Variants in PCOLCE2 observed in about 807,000 individuals in gnomAD.
PCOLCE2 encodes procollagen C-endopeptidase enhancer 2.
PCOLCE2 carries 42 observed loss-of-function variants against 47.0 expected under a neutral mutation model. The ratio of observed to expected loss-of-function variants is 0.89; its 90% confidence interval spans 0.70 to 1.16. PCOLCE2 has a LOEUF of 1.16. Among genes scored for constraint, PCOLCE2 ranks in the 50% most tolerant of loss-of-function variants. The probability of loss-of-function intolerance (pLI) is 0.00; values close to 1 mark genes in which losing one functional copy is unlikely to be tolerated. For synonymous variants in PCOLCE2, 169 were observed against 191.7 expected (o/e 0.88, Z 0.98); for missense variants, 500 against 526.1 (o/e 0.95, Z 0.49).
At chr3:142,837,291 T>C (rs1474087957) in intron 5 of PCOLCE2, among the ~76,000 whole-genome samples, 2 of 152,236 alleles carry the variant, frequency 1.3e-5, no homozygotes, top group African/African-American at 2.4e-5. Context: ...ATTTGTGCTG[T>C]TTTAAGTCGC....
chr3:142,858,724 T>C (rs1462025766), intron 2 of PCOLCE2, among the ~76,000 whole-genome samples: 1 of 113,864 alleles, frequency 8.8e-6, no homozygotes, highest in Non-Finnish European at 2.1e-5. Flanking sequence ...CAGGATTTTG[T>C]GTGTGTGTGT....
intron 2 of PCOLCE2, among the ~76,000 whole-genome samples, chr3:142,862,299 T>C (rs1269852435): frequency 6.6e-6 from 1 of 152,192 alleles, no homozygotes; most frequent in Non-Finnish European, 1.5e-5. Flanking sequence ...CTTTCTAGAA[T>C]TCTGTGGCAC....
intron 2 of PCOLCE2, among the ~76,000 whole-genome samples, chr3:142,849,149 C>T (rs1329441518): frequency 3.3e-5 from 3 of 89,898 alleles, no homozygotes; most frequent in East Asian, 2.2e-4. Flanking sequence ...CGAGACTCCA[C>T]CTCAAAAAAA....
At chr3:142,863,874 G>A (rs1933229995) in intron 2 of PCOLCE2, 1 of 152,154 alleles carries the variant, frequency 6.6e-6, no homozygotes, top group Non-Finnish European at 1.5e-5. Context: ...AAACTAGCAT[G>A]CTATTTAAGA....
Position 142,818,398 on chromosome 3 carries a change from A to G in PCOLCE2, c.1185T>C (p.Phe395=), listed in dbSNP as rs1936974613. 1 of 1,613,178 alleles carries G rather than the reference A, an allele frequency of 6.2e-7. No homozygotes were observed. The highest frequency in any genetic ancestry group is 1.7e-5 in the Admixed American group (1 of 59,980). ...GATTCTTGGTCTTGAACATCATGAT[A>G]AAGCTGTTTGGCATGATTTTGCCTC... ...DGRGKIMPNS[F]IMMFKTKNQK... is the part of the protein sequence containing the mutation. Residue 395 remains phenylalanine (F), a synonymous_variant, in exon 9 of 9, where the codon TTT becomes TTC. Transcript: ENST00000295992.
chr3:142,887,642 G>C (rs761494638), intron 2 of PCOLCE2, 27 bp downstream of exon 2: 13 of 1,182,950 alleles, frequency 1.1e-5, no homozygotes, highest in Non-Finnish European at 1.7e-5. Context: ...CCACTTCCAG[G>C]AGAATACCTT....
chr3:142,829,866 T>G lies in PCOLCE2; in HGVS notation c.711-20A>C, dbSNP rs760233510. On this transcript the variant is annotated intron_variant, in intron 5 of 8. Coordinates refer to ENST00000295992, the MANE Select transcript of PCOLCE2 (RefSeq NM_013363.4). ...ATTGGCCTAAAAAAAGAAAAATGTG[T>G]TTTTTTATAAATACTTAAAAGTGGT... 1 of 1,468,076 alleles carries G rather than the reference T, an allele frequency of 6.8e-7. No individual in the cohort carries two copies. Among genetic ancestry groups the G allele is most frequent in the Admixed American group, 2.0e-5 (1 of 49,588 alleles). The allele number at this position is 1,468,076 out of a possible 1,614,324, so 90.9% of individuals were successfully genotyped here.
intron 6 of PCOLCE2, among the ~76,000 whole-genome samples, chr3:142,828,909 G>A (rs1013244631): frequency 3.3e-5 from 5 of 152,226 alleles, no homozygotes; most frequent in Non-Finnish European, 5.9e-5. Context: ...GCAAGGAAAC[G>A]TTAGACCCAG....
chr3:142,853,101 TA>T (rs372555197), intron 2 of PCOLCE2, among the ~76,000 whole-genome samples: 1,786 of 129,788 alleles, frequency 0.014, 10 homozygotes, highest in African/African-American at 0.033. Context: ...AGACCCTGTT[TA>T]AAAAAAAAAA....
intron 4 of PCOLCE2, 52 bp from the exon 5 acceptor site, chr3:142,838,958 ACCTCAAATGGAATTCTT>A: frequency 2.1e-6 from 3 of 1,404,396 alleles, no homozygotes; most frequent in Non-Finnish European, 3.0e-6. Flanking sequence ...TTGTTGAATA[ACCTCAAATGGAATTCTT>A]CCTCTCCCCA....
chr3:142,858,518 G>GCA (rs1054662174), intron 2 of PCOLCE2, among the ~76,000 whole-genome samples: 1 of 152,176 alleles, frequency 6.6e-6, no homozygotes, highest in Admixed American at 6.5e-5. Flanking sequence ...ATATATGTGC[G>GCA]TGCGTGTGTG....
Position 142,823,592 on chromosome 3 carries a change from A to C in PCOLCE2, c.889T>G (p.Cys297Gly). The change falls in exon 7 of 9, where the codon TGT becomes GGT. Residue 297 changes from cysteine to glycine, a missense_variant. Coordinates refer to ENST00000295992, the MANE Select transcript of PCOLCE2 (RefSeq NM_013363.4). ...TTGLKPTVAL[C>G]QQKCRRTGTL... is the part of the protein sequence containing the mutation. The stretch of plus-strand genomic sequence containing the variant: ...CCCGTCCGTCTACACTTTTGTTGAC[A>C]CAAGGCCACGGTGGGTTTTAAACCT... The C allele has an allele frequency of 9.9e-6, 16 of 1,609,212 alleles. No individual in the cohort carries two copies. Among genetic ancestry groups the C allele is most frequent in the Non-Finnish European group, 1.4e-5 (16 of 1,175,748 alleles).
Position 142,830,356 on chromosome 3 carries a change from G to A in PCOLCE2, c.711-510C>T, listed in dbSNP as rs549298807. Among the ~76,000 whole-genome samples, 9 of 152,344 alleles carry A rather than the reference G, an allele frequency of 5.9e-5. No homozygotes were observed. The East Asian group carries it at 1.3e-3, about 23-fold the overall frequency. ...AGAGCATAAAATGGACAAATCTGGT[G>A]AACAAATTCCCACGCCCTGTAAAGA... On this transcript the variant is annotated intron_variant, in intron 5 of 8. Transcript: ENST00000295992.
intron 5 of PCOLCE2, among the ~76,000 whole-genome samples, chr3:142,830,258 C>T (rs1937130502): frequency 6.6e-6 from 1 of 152,136 alleles, no homozygotes; most frequent in South Asian, 2.1e-4. Flanking sequence ...CATGATTTGC[C>T]TGATTGGGAA....
At chr3:142,860,813 G>A (rs1933167843) in intron 2 of PCOLCE2, among the ~76,000 whole-genome samples, 1 of 152,074 alleles carries the variant, frequency 6.6e-6, no homozygotes, top group African/African-American at 2.4e-5. Flanking sequence ...TTCTCTTCTT[G>A]GAAACACCCA....
chr3:142,857,282 T>G (rs1007682273), intron 2 of PCOLCE2, among the ~76,000 whole-genome samples: 1 of 152,222 alleles, frequency 6.6e-6, no homozygotes, highest in African/African-American at 2.4e-5. Flanking sequence ...CCAAGCTGTT[T>G]CATGTGATCA....
At chr3:142,849,331 A>G (rs898662471) in intron 2 of PCOLCE2, among the ~76,000 whole-genome samples, 1 of 152,210 alleles carries the variant, frequency 6.6e-6, no homozygotes, top group African/African-American at 2.4e-5. Flanking sequence ...GACTAAATGA[A>G]CTGAGTAATT....
chr3:142,863,236 T>G (rs980905781), intron 2 of PCOLCE2, among the ~76,000 whole-genome samples: 3 of 152,058 alleles, frequency 2.0e-5, no homozygotes, highest in Admixed American at 6.5e-5. Context: ...CAAAAAACAT[T>G]GAAGATAGCT....
chr3:142,838,463 G>T (rs1937229002), intron 5 of PCOLCE2, among the ~76,000 whole-genome samples: 1 of 152,176 alleles, frequency 6.6e-6, no homozygotes, highest in Non-Finnish European at 1.5e-5. Context: ...CTCTGGCCAT[G>T]TGATGTGTGT....
Sources: gnomAD v4.1 joint callset for allele counts (sites outside exome capture counted in the v4.1 genomes callset) on GRCh38, gnomAD v4.1.1 for gene constraint, MANE v1.5 for transcripts, NCBI Gene and HGNC (gene_info 2026-07-23, HGNC 2026-07-21) for gene names.